The following PPP1R21 variants were observed in gnomAD, a reference collection of about 807,000 sequenced individuals.
PPP1R21 encodes KLRAQ motif containing 1.
Under a neutral mutation model 112.8 loss-of-function variants are expected in PPP1R21, and 85 were observed. The observed-to-expected ratio is 0.75, with a 90% CI of 0.63 to 0.90. The LOEUF is 0.90. PPP1R21 is among the 40% of genes least tolerant of loss of function. The pLI is 0.00. For synonymous variants in PPP1R21, 381 were observed against 322.3 expected (o/e 1.18, Z -1.95); for missense variants, 1,199 against 901.5 (o/e 1.33, Z -4.23).
intron 12 of PPP1R21, among the ~76,000 whole-genome samples, chr2:48,478,228 G>T (rs1217777414): frequency 1.3e-5 from 2 of 152,266 alleles, no homozygotes; most frequent in Admixed American, 6.5e-5. Context: ...ATAAATTTCT[G>T]TTGTGTTAAG....
At chr2:48,491,358 C>T (rs1172894146) in intron 15 of PPP1R21, among the ~76,000 whole-genome samples, 188 bp downstream of exon 15, 1 of 152,064 alleles carries the variant, frequency 6.6e-6, no homozygotes, top group Non-Finnish European at 1.5e-5. Flanking sequence ...ACCTGAGAAG[C>T]AGCGTTGCCT....
chr2:48,452,673 T>G (rs1001033554), intron 2 of PPP1R21, among the ~76,000 whole-genome samples: 2 of 151,960 alleles, frequency 1.3e-5, no homozygotes, highest in Non-Finnish European at 2.9e-5. Flanking sequence ...GGCTTTTAGT[T>G]TTATTACTGG....
At chr2:48,458,378 ATTTCT>A (rs1667817020) in intron 4 of PPP1R21, 151 bp downstream of exon 4, 1 of 529,370 alleles carries the variant, frequency 1.9e-6, no homozygotes, top group South Asian at 2.0e-5. Flanking sequence ...TCACTTATTC[ATTTCT>A]TAAATATCAC....
At chr2:48,461,559 G>C (rs2103804541) in intron 7 of PPP1R21, among the ~76,000 whole-genome samples, 1 of 152,194 alleles carries the variant, frequency 6.6e-6, no homozygotes, top group East Asian at 1.9e-4. Context: ...GATTGGGGTG[G>C]GGGAAATGAG....
In PPP1R21 at chr2:48,488,976, CTA is replaced by C. The variant is rs201915965; in HGVS notation, c.1447-2035_1447-2034del. On this transcript the variant is annotated intron_variant, in intron 14 of 21. Transcript: ENST00000294952. Reference sequence around the variant, plus strand: ...TGTGAATCCATGTCATTCACAAGGACTATATATAGCTCAAGATTTTTGGTATC... The same window carrying C: ...TGTGAATCCATGTCATTCACAAGGACTATATAGCTCAAGATTTTTGGTATC... Among the ~76,000 whole-genome samples, 621 of 152,244 alleles carry C rather than the reference CTA, an allele frequency of 4.1e-3. 3 individuals carry two copies. Among genetic ancestry groups the C allele is most frequent in the African/African-American group, 0.014 (584 of 41,542 alleles).
intron 15 of PPP1R21, among the ~76,000 whole-genome samples, chr2:48,492,452 C>T (rs914575685): frequency 6.6e-6 from 1 of 152,108 alleles, no homozygotes; most frequent in Non-Finnish European, 1.5e-5. Context: ...GTGGAACTCA[C>T]TAGGTTCCTT....
intron 2 of PPP1R21, among the ~76,000 whole-genome samples, chr2:48,451,702 G>C (rs962005475): frequency 2.0e-5 from 3 of 152,144 alleles, no homozygotes; most frequent in Admixed American, 6.6e-5. Context: ...ATTAAGTCTA[G>C]GATTTGGATT....
intron 13 of PPP1R21, 111 bp from the exon 14 acceptor site, chr2:48,486,520 C>G (rs994729601): frequency 7.3e-6 from 6 of 820,490 alleles, no homozygotes; most frequent in African/African-American, 6.9e-5. Context: ...CATTCTTTGT[C>G]AAATTTACTT....
intron 11 of PPP1R21, among the ~76,000 whole-genome samples, chr2:48,472,017 A>C (rs1027093453): frequency 3.3e-5 from 5 of 151,958 alleles, no homozygotes; most frequent in African/African-American, 1.2e-4. Context: ...AGGTGGGTGG[A>C]TCACTTGAAG....
intron 1 of PPP1R21, among the ~76,000 whole-genome samples, chr2:48,450,354 A>C (rs1315593879): frequency 6.6e-6 from 1 of 152,206 alleles, no homozygotes; most frequent in Non-Finnish European, 1.5e-5. Context: ...TGAGGATTAG[A>C]TGAAGTAATA....
chr2:48,482,915 T>C (rs1354302023), intron 13 of PPP1R21, among the ~76,000 whole-genome samples: 1 of 152,088 alleles, frequency 6.6e-6, no homozygotes, highest in Non-Finnish European at 1.5e-5. Flanking sequence ...TTGCCATTCT[T>C]CCTGATGCTA....
chr2:48,465,768 G>GT (rs1342928483), intron 9 of PPP1R21, 126 bp downstream of exon 9: 1 of 697,068 alleles, frequency 1.4e-6, no homozygotes, highest in African/African-American at 1.8e-5. Context: ...AAAAAGCATA[G>GT]TTTTTACTCT....
At chr2:48,445,409 CTGTT>C (rs1334901246) in intron 1 of PPP1R21, among the ~76,000 whole-genome samples, 1 of 152,128 alleles carries the variant, frequency 6.6e-6, no homozygotes, top group Non-Finnish European at 1.5e-5. Flanking sequence ...ATTGAGTACT[CTGTT>C]GGACAGTGCT....
At chr2:48,499,647 A>C (rs72822251) in intron 17 of PPP1R21, among the ~76,000 whole-genome samples, 1,974 of 152,360 alleles carry the variant, frequency 0.013, 19 homozygotes, top group Admixed American at 0.022. Context: ...ATCTATTCCT[A>C]GAGAGTGTAA....
rs1168037474 is a variant in PPP1R21, at chr2:48,454,608, T to G, written c.140T>G (p.Met47Arg). The G allele has an allele frequency of 6.2e-7, 1 of 1,613,968 alleles. No individual in the cohort carries two copies. The highest frequency in any genetic ancestry group is 8.5e-7 in the Non-Finnish European group (1 of 1,180,002). ...ACTTTGATATAGGAGCAACTGAAAA[T>G]GAAGGATCAGTCATTGAGAAAACTA... is the stretch of plus-strand genomic sequence containing the variant. ...NSAALKEQLK[M>R]KDQSLRKLQQ... is the part of the protein sequence containing the mutation. Residue 47 changes from methionine (M) to arginine (R), a missense_variant, in exon 3 of 22, where the codon ATG (methionine) becomes AGG (arginine). Coordinates refer to ENST00000294952, the MANE Select transcript of PPP1R21 (RefSeq NM_001135629.3).
chr2:48,494,058 C>CAAAA (rs70943344), intron 15 of PPP1R21, among the ~76,000 whole-genome samples: 10 of 63,218 alleles, frequency 1.6e-4, no homozygotes, highest in East Asian at 4.4e-4. Context: ...CTCGTCTCTC[C>CAAAA]AAAAAAAAAA....
intron 21 of PPP1R21, among the ~76,000 whole-genome samples, chr2:48,513,874 A>G (rs1670747706): frequency 6.6e-6 from 1 of 152,112 alleles, no homozygotes; most frequent in Non-Finnish European, 1.5e-5. Flanking sequence ...AAATTATACA[A>G]AACTAGAAAA....
intron 3 of PPP1R21, among the ~76,000 whole-genome samples, chr2:48,455,188 C>T (rs916911869): frequency 2.3e-4 from 32 of 141,758 alleles, no homozygotes; most frequent in African/African-American, 7.4e-4. Context: ...CTCTTGTTGC[C>T]TAGGCTAGAG....
chr2:48,441,236 G>C (rs886374444), intron 1 of PPP1R21: 1 of 585,684 alleles, frequency 1.7e-6, no homozygotes, highest in Non-Finnish European at 3.1e-6. Flanking sequence ...GGAGAAGCTG[G>C]AGTTTGATTC....
Sources: gnomAD v4.1 joint callset for allele counts (sites outside exome capture counted in the v4.1 genomes callset) on GRCh38, gnomAD v4.1.1 for gene constraint, MANE v1.5 for transcripts, NCBI Gene and HGNC (gene_info 2026-07-23, HGNC 2026-07-21) for gene names.